Variants in STXBP5L observed in about 807,000 individuals in gnomAD.
STXBP5L encodes the protein syntaxin-binding protein 5-like.
Under a neutral mutation model 144.5 loss-of-function variants are expected in STXBP5L, and 65 were observed. The observed-to-expected ratio is 0.45, with a 90% CI of 0.37 to 0.55. STXBP5L has a LOEUF of 0.55. STXBP5L is among the 20% of genes least tolerant of loss of function. The pLI is 0.00. For missense variants in STXBP5L, 1,298 were observed against 1,405.5 expected (o/e 0.92, Z 1.22); for synonymous variants, 505 against 469.6 (o/e 1.08, Z -0.97).
chr3:121,126,390 A>G (rs1240739647), intron 7 of STXBP5L, among the ~76,000 whole-genome samples: 2 of 152,166 alleles, frequency 1.3e-5, no homozygotes, highest in Admixed American at 1.3e-4. Context: ...CTCCTGTCCT[A>G]GTCTGTAAAC....
At position 121,187,384 on chromosome 3, in the gene STXBP5L, C is replaced by A. The variant is rs567940514; in HGVS notation, c.878-18539C>A. On this transcript the variant is annotated intron_variant, in intron 9 of 26. Transcript: ENST00000471454. The stretch of plus-strand genomic sequence containing the variant: ...CATGGACACAGGAAGGGGAACATCA[C>A]ACACTGGGGCCTGTTGTAGGGTGGG... Among the ~76,000 whole-genome samples the A allele has an allele frequency of 1.8e-3, 245 of 135,166 alleles. 1 individual carries two copies. The highest frequency in any genetic ancestry group is 6.0e-3 in the African/African-American group (212 of 35,244). 88.7% of individuals were successfully genotyped at this position (135,166 alleles called of 152,430 possible). A position where few individuals can be genotyped will look rare whatever the true frequency, so the allele number is the denominator to read the frequency against.
chr3:120,974,713 T>A (rs1380264884), intron 3 of STXBP5L, among the ~76,000 whole-genome samples: 1 of 152,204 alleles, frequency 6.6e-6, no homozygotes, highest in Non-Finnish European at 1.5e-5. Flanking sequence ...TTGAATTAAT[T>A]TTTGTATAAG....
chr3:121,347,079 G>A (rs1433539723), intron 20 of STXBP5L, among the ~76,000 whole-genome samples: 2 of 152,174 alleles, frequency 1.3e-5, no homozygotes, highest in Non-Finnish European at 2.9e-5. Flanking sequence ...GGTTTTTATG[G>A]TTTTAGGTCT....
intron 5 of STXBP5L, among the ~76,000 whole-genome samples, chr3:121,083,718 G>A (rs957359269): frequency 1.3e-5 from 2 of 151,992 alleles, no homozygotes; most frequent in Admixed American, 6.6e-5. Flanking sequence ...AAATTCTCTA[G>A]CCAAATCATG....
chr3:121,083,780 C>T (rs1404386553), intron 5 of STXBP5L, among the ~76,000 whole-genome samples: 4 of 152,034 alleles, frequency 2.6e-5, no homozygotes, highest in African/African-American at 9.7e-5. Flanking sequence ...ATTCAATTTT[C>T]TTAGTAGCTA....
intron 14 of STXBP5L, among the ~76,000 whole-genome samples, chr3:121,242,559 A>G (rs1458086134): frequency 2.0e-5 from 3 of 152,154 alleles, no homozygotes; most frequent in Non-Finnish European, 4.4e-5. Context: ...GAAGCACTAT[A>G]ATAATTCAGG....
chr3:121,121,733 T>G, intron 7 of STXBP5L, 29 bp downstream of exon 7: 1 of 1,514,722 alleles, frequency 6.6e-7, no homozygotes, highest in Non-Finnish European at 9.1e-7. Context: ...TTATTATTAG[T>G]TTTATTTTCC....
chr3:121,351,346 G>T (rs577377026), intron 20 of STXBP5L, among the ~76,000 whole-genome samples: 1 of 152,116 alleles, frequency 6.6e-6, no homozygotes. Flanking sequence ...GTACCCGGCC[G>T]TGTCAGGTGT....
intron 3 of STXBP5L, among the ~76,000 whole-genome samples, chr3:120,990,047 A>T (rs536784706): frequency 6.6e-6 from 1 of 152,164 alleles, no homozygotes; most frequent in East Asian, 1.9e-4. Flanking sequence ...ATGATTGTAT[A>T]TCCAGAAAAC....
In STXBP5L at chr3:121,354,204, T is replaced by C. The variant is rs539031508; in HGVS notation, c.2177-24512T>C. ...TGTAGGTGTCTATTAGGTCTGTTTG[T>C]TGCAGAGCTGAGTTCAAGTCCTGGA... On this transcript the variant is annotated intron_variant, in intron 20 of 26. Coordinates refer to ENST00000471454, the MANE Select transcript of STXBP5L (RefSeq NM_001308330.2). Among the ~76,000 whole-genome samples the C allele has an allele frequency of 5.9e-5, 9 of 152,222 alleles. No homozygotes were observed. In the South Asian group the frequency reaches 1.9e-3, roughly 32 times the overall value.
At chr3:121,004,088 A>T (rs554578730) in intron 3 of STXBP5L, among the ~76,000 whole-genome samples, 5 of 152,268 alleles carry the variant, frequency 3.3e-5, no homozygotes, top group African/African-American at 1.2e-4. Flanking sequence ...TCTGTGAAGA[A>T]AGTCATTGGT....
chr3:121,058,450 C>T (rs926660777), intron 5 of STXBP5L, among the ~76,000 whole-genome samples: 34 of 152,178 alleles, frequency 2.2e-4, no homozygotes, highest in African/African-American at 7.7e-4. Flanking sequence ...GTGCATGTGT[C>T]TTTATAGTAG....
At chr3:121,016,126 GTAAA>G (rs1945131470) in intron 3 of STXBP5L, among the ~76,000 whole-genome samples, 1 of 152,182 alleles carries the variant, frequency 6.6e-6, no homozygotes, top group African/African-American at 2.4e-5. Context: ...ACAGATTAAC[GTAAA>G]TACTCTAAAG....
chr3:120,909,979 C>A (rs1413220907), intron 2 of STXBP5L, among the ~76,000 whole-genome samples: 1 of 152,202 alleles, frequency 6.6e-6, no homozygotes, highest in Middle Eastern at 3.4e-3. Flanking sequence ...AATGAGCACA[C>A]ACAAAAAGTA....
At chr3:121,099,439 A>G (rs959812501) in intron 5 of STXBP5L, 1 of 152,268 alleles carries the variant, frequency 6.6e-6, no homozygotes, top group Non-Finnish European at 1.5e-5. Context: ...TCAAGAAGCT[A>G]CAATAGAGGG....
intron 9 of STXBP5L, among the ~76,000 whole-genome samples, chr3:121,181,092 C>T (rs949608057): frequency 1.4e-5 from 2 of 142,690 alleles, no homozygotes; most frequent in Admixed American, 1.5e-4. Flanking sequence ...AAGAGTGAAA[C>T]TCTGTCTTGA....
intron 19 of STXBP5L, among the ~76,000 whole-genome samples, chr3:121,315,688 C>T (rs2043761078): frequency 6.6e-6 from 1 of 151,506 alleles, no homozygotes; most frequent in Admixed American, 6.6e-5. Context: ...GAATATGAAA[C>T]TCTTTATTGG....
At chr3:121,313,417 T>C (rs1184147092) in intron 19 of STXBP5L, among the ~76,000 whole-genome samples, 2 of 70,918 alleles carry the variant, frequency 2.8e-5, no homozygotes, top group Non-Finnish European at 2.6e-5. Flanking sequence ...CCTCCCGGAC[T>C]GGGCGGCTGG....
At chr3:121,118,727 A>G (rs941822946) in intron 6 of STXBP5L, among the ~76,000 whole-genome samples, 17 of 151,582 alleles carry the variant, frequency 1.1e-4, no homozygotes, top group Admixed American at 3.3e-4. Flanking sequence ...AGGAGTGGAG[A>G]TAAACCAACA....
Sources: gnomAD v4.1 joint callset for allele counts (sites outside exome capture counted in the v4.1 genomes callset) on GRCh38, gnomAD v4.1.1 for gene constraint, MANE v1.5 for transcripts, NCBI Gene and HGNC (gene_info 2026-07-23, HGNC 2026-07-21) for gene names.